The following NPAS3 variants were observed in gnomAD, a reference collection of about 807,000 sequenced individuals.
NPAS3 encodes the protein neuronal PAS domain protein 3, also known as neuronal PAS domain-containing protein 3.
Under a neutral mutation model 73.1 loss-of-function variants are expected in NPAS3, and 14 were observed. The ratio of observed to expected loss-of-function variants is 0.19; its 90% CI spans 0.13 to 0.30. The LOEUF is 0.30. NPAS3 is among the 10% of genes least tolerant of loss of function. NPAS3 has a pLI of 1.00. For synonymous variants in NPAS3, 620 were observed against 541.5 expected, an observed-to-expected ratio of 1.14 and a Z score of -2.01; for missense variants, 1,096 against 1,250.0, an observed-to-expected ratio of 0.88 and a Z score of 1.86.
rs201957094 is a variant in NPAS3, at chr14:33,614,009, T to A, written c.558+53799T>A. Among the ~76,000 whole-genome samples the A allele has an allele frequency of 7.2e-5, 11 of 152,314 alleles. No homozygotes were observed. In the East Asian group the frequency reaches 1.9e-3, roughly 27 times the overall value. On this transcript the variant is annotated intron_variant, in intron 5 of 11. Coordinates refer to ENST00000356141, the Ensembl canonical transcript of NPAS3. ...AATAGTCATCACCTAGTAGGCTTTG[T>A]CTCCTGACTTGGGAAGTTTTCATGA... is the stretch of plus-strand genomic sequence containing the variant.
intron 6 of NPAS3, among the ~76,000 whole-genome samples, chr14:33,700,448 T>G (rs1445261784): frequency 9.9e-5 from 15 of 152,224 alleles, no homozygotes; most frequent in Admixed American, 9.8e-4. Context: ...ACAAGTGATA[T>G]TTCATTTAAT....
intron 1 of NPAS3, among the ~76,000 whole-genome samples, chr14:32,947,882 A>G (rs1487844087): frequency 2.0e-5 from 3 of 152,046 alleles, no homozygotes; most frequent in African/African-American, 7.2e-5. Flanking sequence ...TGCTTGGATT[A>G]TCTTGTCACC....
chr14:33,709,350 A>G (rs1391132231), intron 6 of NPAS3, among the ~76,000 whole-genome samples: 1 of 152,200 alleles, frequency 6.6e-6, no homozygotes, highest in Non-Finnish European at 1.5e-5. Context: ...CCGAAGGCTG[A>G]TGAATAATAT....
chr14:33,009,931 A>G (rs574592849), intron 1 of NPAS3, among the ~76,000 whole-genome samples: 10 of 152,348 alleles, frequency 6.6e-5, no homozygotes, highest in Non-Finnish European at 1.2e-4. Context: ...ACCATAAAAT[A>G]AAGGCACTGG....
At chr14:33,236,805 T>A (rs372829842) in intron 3 of NPAS3, among the ~76,000 whole-genome samples, 1 of 152,112 alleles carries the variant, frequency 6.6e-6, no homozygotes, top group African/African-American at 2.4e-5. Flanking sequence ...TATTCAAAGA[T>A]ATATTCAAAC....
intron 3 of NPAS3, among the ~76,000 whole-genome samples, chr14:33,331,288 G>T (rs1157697510): frequency 6.6e-6 from 1 of 152,096 alleles, no homozygotes; most frequent in Non-Finnish European, 1.5e-5. Flanking sequence ...TGGATAAAGG[G>T]GGGCCGCTTC....
chr14:33,753,358 T>TAAAAAAAAAAAA lies in NPAS3; in HGVS notation c.852+18030_852+18041dup, dbSNP rs34619014. 1.9e-3 allele frequency among the ~76,000 whole-genome samples: 247 copies of TAAAAAAAAAAAA among 129,376 alleles called. 2 individuals carry two copies. The highest frequency in any genetic ancestry group is 6.7e-3 in the African/African-American group (239 of 35,772). 84.9% of individuals were successfully genotyped at this position (129,376 alleles called of 152,430 possible). On this transcript the variant is annotated intron_variant, in intron 7 of 11. Transcript: ENST00000356141. ...GCTTAAGATGATTCTGTTAAATTGA[T>TAAAAAAAAAAAA]AAAAAAAAAAAAAAACGTACACTCC...
intron 4 of NPAS3, among the ~76,000 whole-genome samples, chr14:33,555,370 C>T (rs1189866970): frequency 6.6e-6 from 1 of 152,042 alleles, no homozygotes; most frequent in African/African-American, 2.4e-5. Context: ...GAAAATTCTA[C>T]ATAGTGAGTA....
chr14:33,301,322 ATT>A lies in NPAS3; in HGVS notation c.386-65853_386-65852del, dbSNP rs56242001. Among the ~76,000 whole-genome samples, 192 of 99,226 alleles carry A rather than the reference ATT, an allele frequency of 1.9e-3. 11 individuals are homozygous for A. Among genetic ancestry groups the A allele is most frequent in the Middle Eastern group, 4.6e-3 (1 of 218 alleles). The allele number at this position is 99,226 out of a possible 152,430, so 65.1% of individuals were successfully genotyped here. A position where few individuals can be genotyped will look rare whatever the true frequency, so the allele number is the denominator to read the frequency against. On this transcript the variant is annotated intron_variant, in intron 3 of 11. Transcript: ENST00000356141. Reference sequence around the variant, plus strand: ...GTTTTATCATTATATATATATATATATTTTTTTTTTTTAAATCTAGCTGTAAT... The same window carrying A: ...GTTTTATCATTATATATATATATATATTTTTTTTTTAAATCTAGCTGTAAT...
chr14:33,463,448 G>A (rs17101279), intron 4 of NPAS3, among the ~76,000 whole-genome samples: 12,034 of 152,078 alleles, frequency 0.079, 637 homozygotes, highest in African/African-American at 0.15. Flanking sequence ...CATAGAATGG[G>A]CATAATGAGA....
chr14:33,383,863 C>G (rs1352508858), intron 4 of NPAS3, among the ~76,000 whole-genome samples: 1 of 152,136 alleles, frequency 6.6e-6, no homozygotes, highest in Non-Finnish European at 1.5e-5. Flanking sequence ...CCTCAGTCCT[C>G]TAAAATCTCG....
intron 3 of NPAS3, among the ~76,000 whole-genome samples, chr14:33,298,467 G>T (rs949552533): frequency 3.3e-5 from 5 of 152,146 alleles, no homozygotes; most frequent in Admixed American, 3.3e-4. Flanking sequence ...TCCTCTTTGT[G>T]ACACTTTTGC....
chr14:33,315,513 G>A (rs1022073901), intron 3 of NPAS3, among the ~76,000 whole-genome samples: 2 of 151,212 alleles, frequency 1.3e-5, no homozygotes, highest in African/African-American at 4.9e-5. Context: ...TGTCGGGGGG[G>A]GAGTGTGTTT....
chr14:33,774,185 G>C, intron 7 of NPAS3, 152 bp from the exon 8 acceptor site: 1 of 589,326 alleles, frequency 1.7e-6, no homozygotes, highest in East Asian at 2.8e-5. Context: ...TTGCCACAAG[G>C]ACACTGAGGG....
chr14:33,260,937 A>G lies in NPAS3; in HGVS notation c.385+45511A>G, dbSNP rs375673635. ...TTATATAGCCTTTCAGAGTTTTCAA[A>G]ATATTTTGAAATCCCCTACTCATTT... is the stretch of plus-strand genomic sequence containing the variant. On this transcript the variant is annotated intron_variant, in intron 3 of 11. Coordinates refer to ENST00000356141, the Ensembl canonical transcript of NPAS3. Among the ~76,000 whole-genome samples the G allele has an allele frequency of 5.3e-5, 8 of 152,286 alleles. No individual in the cohort carries two copies. The South Asian group carries it at 8.3e-4, about 16-fold the overall frequency.
Position 33,401,585 on chromosome 14 carries a change from C to A in NPAS3, c.468+34317C>A, listed in dbSNP as rs1057045060. Among the ~76,000 whole-genome samples, 10 of 151,994 alleles carry A rather than the reference C, an allele frequency of 6.6e-5. 1 individual carries two copies. Among genetic ancestry groups the A allele is most frequent in the Admixed American group, 6.6e-5 (1 of 15,260 alleles). On this transcript the variant is annotated intron_variant, in intron 4 of 11. Transcript: ENST00000356141. ...ATTGTCTTTCCTTCCTCACTGTGAA[C>A]TGAGTATAATAATTGGACCTCATGT...
At chr14:33,801,313 C>CGTCTGACCCTCTGA, downstream of NPAS3, 1 of 1,045,600 alleles carries the variant, frequency 9.6e-7, no homozygotes, top group Non-Finnish European at 1.3e-6. Flanking sequence ...TTCAGAGGGT[C>CGTCTGACCCTCTGA]AGACGACCAG....
intron 4 of NPAS3, among the ~76,000 whole-genome samples, chr14:33,541,517 C>T (rs180922693): frequency 6.6e-6 from 1 of 152,172 alleles, no homozygotes; most frequent in Admixed American, 6.5e-5. Context: ...TGATCACTGC[C>T]CACAGGTTAC....
intron 5 of NPAS3, among the ~76,000 whole-genome samples, chr14:33,656,004 C>G (rs1186345823): frequency 6.6e-6 from 1 of 152,182 alleles, no homozygotes; most frequent in Middle Eastern, 3.2e-3. Context: ...AGTTTTCTCA[C>G]TTGGTGGTTG....
Sources: allele counts gnomAD v4.1 joint callset (sites outside exome capture counted in the v4.1 genomes callset), GRCh38; gene constraint gnomAD v4.1.1; transcripts MANE v1.5; gene names NCBI Gene and HGNC (gene_info 2026-07-23, HGNC 2026-07-21).